AGAP1: variants seen among roughly 807,000 people sequenced by gnomAD.
The protein encoded by AGAP1 is ArfGAP with GTPase domain, ankyrin repeat and PH domain 1, also known as arf-GAP with GTPase, ANK repeat and PH domain-containing protein 1.
A neutral mutation model predicts 105.3 loss-of-function variants in AGAP1; 29 were observed. The ratio of observed to expected loss-of-function variants is 0.28; its 90% CI spans 0.21 to 0.38. The LOEUF is 0.38. Ranked by LOEUF, AGAP1 falls within the 10% of genes least tolerant of loss-of-function variation. The probability of loss-of-function intolerance (pLI) is 1.00; values close to 1 mark genes in which losing one functional copy is unlikely to be tolerated. For missense variants in AGAP1, 998 were observed against 1,165.1 expected, an observed-to-expected ratio of 0.86 and a Z score of 2.09; for synonymous variants, 509 against 485.9, an observed-to-expected ratio of 1.05 and a Z score of -0.63.
At chr2:236,103,745 A>G (rs1444731150) in intron 16 of AGAP1, among the ~76,000 whole-genome samples, 2 of 151,764 alleles carry the variant, frequency 1.3e-5, no homozygotes, top group Non-Finnish European at 2.9e-5. Context: ...AAATTTTTGT[A>G]TTTAGTAGAG....
At chr2:235,564,282 T>C (rs1944267659) in intron 1 of AGAP1, among the ~76,000 whole-genome samples, 1 of 152,150 alleles carries the variant, frequency 6.6e-6, no homozygotes, top group Non-Finnish European at 1.5e-5. Context: ...GAGCCTTGCT[T>C]TGGAGCAGTC....
chr2:235,799,281 C>A lies in AGAP1; in HGVS notation c.802-86C>A. Reference sequence around the variant, plus strand: ...GCATCCCTTCCATGGGGCTCATGCTCACTTGTTGGTTATGACCTTGCCTAA... The same window carrying A: ...GCATCCCTTCCATGGGGCTCATGCTAACTTGTTGGTTATGACCTTGCCTAA... On this transcript the variant is annotated intron_variant, in intron 7 of 17. Coordinates refer to ENST00000304032, the MANE Select transcript of AGAP1 (RefSeq NM_001037131.3). This position sits in a 1 kb window ranked among gnomAD's most constrained non-coding sequence, Gnocchi z 5.0. 1 of 1,480,990 alleles carries A rather than the reference C, an allele frequency of 6.8e-7. No individual in the cohort carries two copies. Among genetic ancestry groups the A allele is most frequent in the South Asian group, 1.3e-5 (1 of 79,108 alleles). 91.7% of individuals were successfully genotyped at this position (1,480,990 alleles called of 1,614,324 possible). A position where few individuals can be genotyped will look rare whatever the true frequency, so the allele number is the denominator to read the frequency against.
rs1299480641 is a variant in AGAP1, at chr2:235,600,311, AC to A, written c.163+105464del. ...TGCTCCTAAGGGAGGTGCTGGCACT[AC>A]CTTTTCAGCCTGCATGGACTGTGCT... On this transcript the variant is annotated intron_variant, in intron 1 of 17. Transcript: ENST00000304032. The surrounding 1 kb of genome is among the most constrained non-coding windows in gnomAD (Gnocchi z 4.8). Among the ~76,000 whole-genome samples the A allele has an allele frequency of 6.6e-6, 1 of 151,922 alleles. No individual in the cohort carries two copies. The highest frequency in any genetic ancestry group is 1.5e-5 in the Non-Finnish European group (1 of 67,988).
intron 8 of AGAP1, among the ~76,000 whole-genome samples, chr2:235,803,201 A>G (rs72983053): frequency 1.1e-4 from 10 of 90,340 alleles, no homozygotes; most frequent in South Asian, 4.3e-4. Context: ...TTGTGGTGGT[A>G]GTGGTGGTGG....
chr2:235,572,288 C>CT (rs1944554122), intron 1 of AGAP1, among the ~76,000 whole-genome samples: 1 of 151,922 alleles, frequency 6.6e-6, no homozygotes, highest in African/African-American at 2.4e-5. Context: ...TGACTTAGGA[C>CT]TTTCTAGATG....
At position 235,789,358 on chromosome 2, in the gene AGAP1, G is replaced by T. The variant is rs1956838776; in HGVS notation, c.674-8401G>T. ...TGAAGGTAACTGTTTATTACAGTCG[G>T]CATTTAAATCCCCCGATTAATAGGA... On this transcript the variant is annotated intron_variant, in intron 6 of 17. Coordinates refer to ENST00000304032, the MANE Select transcript of AGAP1 (RefSeq NM_001037131.3). The surrounding 1 kb of genome is among the most constrained non-coding windows in gnomAD (Gnocchi z 4.2). 6.6e-6 allele frequency among the ~76,000 whole-genome samples: 1 copy of T among 152,090 alleles called. No homozygotes were observed. The highest frequency in any genetic ancestry group is 1.5e-5 in the Non-Finnish European group (1 of 68,026).
chr2:235,979,608 G>A lies in AGAP1; in HGVS notation c.1645+10985G>A, dbSNP rs1280546982. Among the ~76,000 whole-genome samples, 1 of 152,166 alleles carries A rather than the reference G, an allele frequency of 6.6e-6. No homozygotes were observed. Among genetic ancestry groups the A allele is most frequent in the Non-Finnish European group, 1.5e-5 (1 of 68,038 alleles). On this transcript the variant is annotated intron_variant, in intron 13 of 17. Coordinates refer to ENST00000304032, the MANE Select transcript of AGAP1 (RefSeq NM_001037131.3). This position sits in a 1 kb window ranked among gnomAD's most constrained non-coding sequence, Gnocchi z 4.5. ...CAGTGAAAGAACAGGCGCAGCGAACGTTCCGGCAGGCATTGCCGTGCACGG... is the reference window on the plus strand; with the variant it reads ...CAGTGAAAGAACAGGCGCAGCGAACATTCCGGCAGGCATTGCCGTGCACGG...
intron 3 of AGAP1, among the ~76,000 whole-genome samples, chr2:235,726,422 A>G (rs547408811): frequency 6.6e-6 from 1 of 152,352 alleles, no homozygotes; most frequent in South Asian, 2.1e-4. Flanking sequence ...GAGCCTAGAA[A>G]GTTTCACGTA....
intron 9 of AGAP1, among the ~76,000 whole-genome samples, chr2:235,840,191 T>C (rs113674856): frequency 1.2e-3 from 178 of 152,322 alleles, no homozygotes; most frequent in African/African-American, 4.1e-3. Flanking sequence ...AACCAGTCTT[T>C]CATGACAGCA....
chr2:235,943,362 A>ATT (rs562379887), intron 12 of AGAP1, among the ~76,000 whole-genome samples: 6 of 127,110 alleles, frequency 4.7e-5, no homozygotes, highest in Non-Finnish European at 7.9e-5. Flanking sequence ...AAAGGACTTA[A>ATT]TTTTTTTTTT....
chr2:235,798,870 C>CAAAA (rs1041317180), intron 7 of AGAP1, among the ~76,000 whole-genome samples: 39 of 48,712 alleles, frequency 8.0e-4, no homozygotes, highest in East Asian at 1.8e-3. Context: ...GACCCTGTCT[C>CAAAA]AAAAAAAAAA....
At chr2:236,110,439 T>G (rs2125934176) in intron 16 of AGAP1, among the ~76,000 whole-genome samples, 1 of 151,780 alleles carries the variant, frequency 6.6e-6, no homozygotes, top group African/African-American at 2.4e-5. Flanking sequence ...GATGTGCACC[T>G]GTAGTTCCAC....
intron 3 of AGAP1, among the ~76,000 whole-genome samples, chr2:235,731,240 G>A (rs953026336): frequency 6.6e-6 from 1 of 152,186 alleles, no homozygotes; most frequent in African/African-American, 2.4e-5. Flanking sequence ...ACACTAATGG[G>A]AACCAGATTG....
rs1347246224 is a variant in AGAP1 at position 236,113,788 on chromosome 2, C to T, written c.2115-6404C>T. Among the ~76,000 whole-genome samples, 1 of 152,186 alleles carries T rather than the reference C, an allele frequency of 6.6e-6. No homozygotes were observed. Among genetic ancestry groups the T allele is most frequent in the African/African-American group, 2.4e-5 (1 of 41,444 alleles). On this transcript the variant is annotated intron_variant, in intron 16 of 17. Transcript: ENST00000304032. This position sits in a 1 kb window ranked among gnomAD's most constrained non-coding sequence, Gnocchi z 4.3. ...CCAGAGGGTTCACGGCTCCTGCAAC[C>T]TACCCAGTGATTCCTATGTCCTGTG...
intron 1 of AGAP1, among the ~76,000 whole-genome samples, chr2:235,694,647 CAG>C (rs1949912108): frequency 6.7e-6 from 1 of 150,160 alleles, no homozygotes; most frequent in Admixed American, 6.6e-5. Context: ...GACTCCGCCT[CAG>C]GGAGAAAAAA....
Position 236,009,738 on chromosome 2 carries a change from G to T in AGAP1, c.1646-26823G>T, listed in dbSNP as rs1270253441. 6.6e-6 allele frequency among the ~76,000 whole-genome samples: 1 copy of T among 152,198 alleles called. No homozygotes were observed. The highest frequency in any genetic ancestry group is 1.9e-4 in the East Asian group (1 of 5,204). Reference sequence around the variant, plus strand: ...TAATTGATTCTGAGGGCTGCAGCGTGCCTCATTTAGCCGTCCCTGCTCGGT... The same window carrying T: ...TAATTGATTCTGAGGGCTGCAGCGTTCCTCATTTAGCCGTCCCTGCTCGGT... On this transcript the variant is annotated intron_variant, in intron 13 of 17. Coordinates refer to ENST00000304032, the MANE Select transcript of AGAP1 (RefSeq NM_001037131.3). This position sits in a 1 kb window ranked among gnomAD's most constrained non-coding sequence, Gnocchi z 4.2.
rs753498816 is a variant in AGAP1 at position 235,716,894 on chromosome 2, C to T, written c.223-663C>T. Among the ~76,000 whole-genome samples, 22 of 152,152 alleles carry T rather than the reference C, an allele frequency of 1.4e-4. No individual in the cohort carries two copies. The highest frequency in any genetic ancestry group is 3.6e-4 in the African/African-American group (15 of 41,520). ...TCATGTCACCCTCCCTCCTGAGGGT[C>T]GCCTTCTAATCCAGCACAAACGAGC... On this transcript the variant is annotated intron_variant, in intron 2 of 17. Transcript: ENST00000304032. The surrounding 1 kb of genome is among the most constrained non-coding windows in gnomAD (Gnocchi z 4.0).
rs2125267377 is a variant in AGAP1 at position 235,951,809 on chromosome 2, G to A, written c.1484-16653G>A. 6.6e-6 allele frequency among the ~76,000 whole-genome samples: 1 copy of A among 152,198 alleles called. No homozygotes were observed. The highest frequency in any genetic ancestry group is 2.1e-4 in the South Asian group (1 of 4,810). On this transcript the variant is annotated intron_variant, in intron 12 of 17. Transcript: ENST00000304032. This position sits in a 1 kb window ranked among gnomAD's most constrained non-coding sequence, Gnocchi z 4.2. ...CTCCCAGTCCCATCACACACAGGCAGTTTTTACACCAGCCAAACTTAGAGC... is the reference window on the plus strand; with the variant it reads ...CTCCCAGTCCCATCACACACAGGCAATTTTTACACCAGCCAAACTTAGAGC...
intron 1 of AGAP1, among the ~76,000 whole-genome samples, chr2:235,538,427 A>ATGTGTGTGTGTGTG (rs57515821): frequency 0.12 from 16,347 of 135,164 alleles, 1,179 homozygotes; most frequent in Middle Eastern, 0.17. Context: ...CTCAGCCACT[A>ATGTGTGTGTGTGTG]TGTGTGTGTG....
Sources: gnomAD v4.1 joint callset for allele counts (sites outside exome capture counted in the v4.1 genomes callset) on GRCh38, gnomAD v4.1.1 for gene constraint, Gnocchi (gnomAD v3.1) non-coding constraint, MANE v1.5 for transcripts, NCBI Gene and HGNC (gene_info 2026-07-23, HGNC 2026-07-21) for gene names.